The following TMEM177 variants were observed in gnomAD, a reference collection of about 807,000 sequenced individuals.
The protein encoded by TMEM177 is transmembrane protein 177.
TMEM177 carries 4 observed loss-of-function variants against 14.2 expected under a neutral mutation model. That is an observed-to-expected ratio of 0.28 (90% confidence interval 0.14 to 0.64). TMEM177 has a LOEUF of 0.64. TMEM177 is among the 30% of genes least tolerant of loss of function. The probability of loss-of-function intolerance (pLI) is 0.82; values close to 1 mark genes in which losing one functional copy is unlikely to be tolerated. For missense variants in TMEM177, 344 were observed against 405.2 expected (o/e 0.85, Z 1.30); for synonymous variants, 179 against 174.5 (o/e 1.03, Z -0.20).
At chr2:119,722,382 T>TA in the TMEM177 span, among the ~76,000 whole-genome samples, 61,107 of 143,296 alleles carry the variant, frequency 0.43, 12,564 homozygotes, top group South Asian at 0.47. Context: ...ATCCTGTTTC[T>TA]AAAAAAAAAA....
At chr2:119,694,259 ATAC>A in the TMEM177 span, among the ~76,000 whole-genome samples, 7 of 144,778 alleles carry the variant, frequency 4.8e-5, no homozygotes, top group Non-Finnish European at 1.1e-4. Context: ...CATGTGCAAC[ATAC>A]TACACCTGTG....
At chr2:119,713,371 T>TA in the TMEM177 span, among the ~76,000 whole-genome samples, 2 of 152,196 alleles carry the variant, frequency 1.3e-5, no homozygotes, top group African/African-American at 4.8e-5. Flanking sequence ...CCTGGCCTGA[T>TA]AATGGTTTTC....
chr2:119,708,546 TC>T, the TMEM177 span, among the ~76,000 whole-genome samples: 2 of 152,088 alleles, frequency 1.3e-5, no homozygotes, highest in Non-Finnish European at 2.9e-5. Flanking sequence ...TTTGTTCAAA[TC>T]AAGATTTAAA....
the TMEM177 span, among the ~76,000 whole-genome samples, chr2:119,700,541 C>T: frequency 6.6e-6 from 1 of 152,162 alleles, no homozygotes; most frequent in African/African-American, 2.4e-5. Flanking sequence ...AGATTGTCTG[C>T]TTTGCAGATG....
At chr2:119,719,457 G>A in the TMEM177 span, among the ~76,000 whole-genome samples, 2 of 152,230 alleles carry the variant, frequency 1.3e-5, no homozygotes, top group Non-Finnish European at 2.9e-5. Context: ...TGTAAGCCAA[G>A]CGTGGGTGCT....
At chr2:119,680,092 C>G (rs115537140) in intron 1 of TMEM177, among the ~76,000 whole-genome samples, 2,127 of 152,258 alleles carry the variant, frequency 0.014, 22 homozygotes, top group Non-Finnish European at 0.021. Flanking sequence ...GCATCCTAAT[C>G]TCTTCTTATA....
the TMEM177 span, among the ~76,000 whole-genome samples, chr2:119,701,290 G>A: frequency 6.6e-6 from 1 of 152,226 alleles, no homozygotes; most frequent in Non-Finnish European, 1.5e-5. Context: ...TTGGACAAAA[G>A]ATCTAGGAGA....
chr2:119,695,478 CCTGGGCACCTGG>C, the TMEM177 span, among the ~76,000 whole-genome samples: 12 of 152,250 alleles, frequency 7.9e-5, no homozygotes, highest in East Asian at 1.6e-3. Context: ...CTTCTTGCAT[CCTGGGCACCTGG>C]CTGGGCACCT....
chr2:119,717,109 CAG>C, the TMEM177 span, among the ~76,000 whole-genome samples: 5 of 152,194 alleles, frequency 3.3e-5, no homozygotes, highest in Middle Eastern at 3.2e-3. Flanking sequence ...CCATGGGCCT[CAG>C]GGGTGGGGCA....
At chr2:119,699,504 T>G in the TMEM177 span, among the ~76,000 whole-genome samples, 2 of 152,132 alleles carry the variant, frequency 1.3e-5, no homozygotes, top group African/African-American at 2.4e-5. Flanking sequence ...TTCCATTGTC[T>G]TGTTAGGCTA....
At chr2:119,682,629 C>T (rs1332797071), downstream of TMEM177, among the ~76,000 whole-genome samples, 1 of 152,078 alleles carries the variant, frequency 6.6e-6, no homozygotes, top group Non-Finnish European at 1.5e-5. Flanking sequence ...TCCAGAACTC[C>T]GAGATCTGTG....
chr2:119,709,761 C>T, the TMEM177 span, among the ~76,000 whole-genome samples: 2 of 152,038 alleles, frequency 1.3e-5, no homozygotes, highest in African/African-American at 4.8e-5. Flanking sequence ...GGAGGTGGAG[C>T]TTGCAGTGAA....
At chr2:119,703,987 A>G in the TMEM177 span, among the ~76,000 whole-genome samples, 1 of 152,274 alleles carries the variant, frequency 6.6e-6, no homozygotes, top group African/African-American at 2.4e-5. Flanking sequence ...CATTCCTGCC[A>G]GGACTCTGAC....
At chr2:119,688,893 A>G (rs4848556), downstream of TMEM177, among the ~76,000 whole-genome samples, 148,640 of 152,334 alleles carry the variant, frequency 0.98, 72,641 homozygotes, top group East Asian at 1. Context: ...CCGTCCACCC[A>G]TGCTTTGCCT....
chr2:119,707,968 G>A, the TMEM177 span, among the ~76,000 whole-genome samples: 568 of 152,286 alleles, frequency 3.7e-3, 5 homozygotes, highest in South Asian at 0.032. Flanking sequence ...CCATGGCTCC[G>A]GCGCCTCTCC....
At chr2:119,713,162 C>G in the TMEM177 span, among the ~76,000 whole-genome samples, 173 of 151,992 alleles carry the variant, frequency 1.1e-3, no homozygotes, top group African/African-American at 4.0e-3. Flanking sequence ...CTCTGCCTCC[C>G]GGGTTCAAGT....
the TMEM177 span, among the ~76,000 whole-genome samples, chr2:119,716,142 G>T: frequency 6.6e-6 from 1 of 152,202 alleles, no homozygotes; most frequent in Non-Finnish European, 1.5e-5. Flanking sequence ...AAGAAAGGAA[G>T]ACAGGTCCTG....
downstream of TMEM177, among the ~76,000 whole-genome samples, chr2:119,686,815 A>AC (rs1288766307): frequency 6.6e-6 from 1 of 151,864 alleles, no homozygotes; most frequent in Non-Finnish European, 1.5e-5. Context: ...AGATCCACAC[A>AC]CCTCAGCCTC....
the TMEM177 span, chr2:119,700,236 G>C: frequency 6.3e-6 from 1 of 158,832 alleles, no homozygotes; most frequent in South Asian, 1.8e-4. Context: ...ACAAGAGGTG[G>C]GTGTACTTGG....
Sources: allele counts gnomAD v4.1 joint callset (sites outside exome capture counted in the v4.1 genomes callset), GRCh38; gene constraint gnomAD v4.1.1; transcripts MANE v1.5; gene names NCBI Gene and HGNC (gene_info 2026-07-23, HGNC 2026-07-21).